PLCB1: variants seen among roughly 807,000 people sequenced by gnomAD.
The protein encoded by PLCB1 is 1-phosphatidylinositol 4,5-bisphosphate phosphodiesterase beta-1.
PLCB1 carries 46 observed loss-of-function variants against 161.8 expected under a neutral mutation model. The observed-to-expected ratio is 0.28, with a 90% CI of 0.22 to 0.36. The LOEUF is 0.36. Among genes scored for constraint, PLCB1 ranks in the 10% least tolerant of loss-of-function variants. PLCB1 has a pLI of 1.00. For synonymous variants in PLCB1, 517 were observed against 503.7 expected (o/e 1.03, Z -0.35); for missense variants, 1,016 against 1,472.5 (o/e 0.69, Z 5.07).
chr20:8,507,250 G>C (rs1983675663), intron 3 of PLCB1, among the ~76,000 whole-genome samples: 1 of 152,134 alleles, frequency 6.6e-6, no homozygotes, highest in Admixed American at 6.5e-5. Context: ...TGGTCTTACT[G>C]TCTCAGGGAT....
intron 9 of PLCB1, among the ~76,000 whole-genome samples, chr20:8,677,031 C>G (rs1036674481): frequency 6.6e-6 from 1 of 152,046 alleles, no homozygotes; most frequent in East Asian, 1.9e-4. Flanking sequence ...GGTGGAAATA[C>G]AATTGAGGAA....
At chr20:8,490,757 ATCCCAGTTTC>A (rs1242113297) in intron 3 of PLCB1, among the ~76,000 whole-genome samples, 1 of 152,008 alleles carries the variant, frequency 6.6e-6, no homozygotes, top group Non-Finnish European at 1.5e-5. Context: ...CTTATTTGCC[ATCCCAGTTTC>A]TTATTTGGTA....
At chr20:8,753,621 A>G (rs986069133) in intron 23 of PLCB1, among the ~76,000 whole-genome samples, 6 of 151,896 alleles carry the variant, frequency 4.0e-5, no homozygotes, top group African/African-American at 1.5e-4. Context: ...TGCATAGCTC[A>G]CTCTTGCACC....
At chr20:8,431,990 C>T (rs1435286341) in intron 3 of PLCB1, among the ~76,000 whole-genome samples, 1 of 151,704 alleles carries the variant, frequency 6.6e-6, no homozygotes, top group Non-Finnish European at 1.5e-5. Flanking sequence ...CGGCAACCAC[C>T]ATGTCACTGT....
intron 2 of PLCB1, among the ~76,000 whole-genome samples, chr20:8,361,899 T>C (rs1210706103): frequency 1.3e-5 from 2 of 152,228 alleles, no homozygotes; most frequent in Non-Finnish European, 2.9e-5. Flanking sequence ...GATTCTATGC[T>C]CACCCAAAAT....
intron 2 of PLCB1, among the ~76,000 whole-genome samples, chr20:8,232,373 C>A (rs1313483841): frequency 2.6e-5 from 4 of 152,066 alleles, no homozygotes; most frequent in Admixed American, 6.6e-5. Flanking sequence ...CATTTATAAC[C>A]AATCAAATGC....
chr20:8,842,719 T>C (rs1195401074), intron 31 of PLCB1, among the ~76,000 whole-genome samples: 12 of 152,038 alleles, frequency 7.9e-5, no homozygotes, highest in Admixed American at 7.9e-4. Flanking sequence ...AAGCAGGCGG[T>C]GCGTGACTGG....
chr20:8,359,961 T>C (rs534107817), intron 2 of PLCB1, among the ~76,000 whole-genome samples: 1 of 152,368 alleles, frequency 6.6e-6, no homozygotes, highest in African/African-American at 2.4e-5. Context: ...TCCTGTTCTC[T>C]GAACAAACCC....
chr20:8,371,545 G>C, intron 3 of PLCB1, 95 bp downstream of exon 3: 2 of 797,472 alleles, frequency 2.5e-6, no homozygotes, highest in Non-Finnish European at 2.1e-6. Context: ...AAGTTTCTAT[G>C]TTATAGATGT....
chr20:8,268,213 G>A (rs1440801971), intron 2 of PLCB1, among the ~76,000 whole-genome samples: 1 of 151,910 alleles, frequency 6.6e-6, no homozygotes, highest in Non-Finnish European at 1.5e-5. Flanking sequence ...GAGAACATGC[G>A]GTGTTTGGTT....
chr20:8,330,372 A>T (rs1258651676), intron 2 of PLCB1, among the ~76,000 whole-genome samples: 1 of 152,238 alleles, frequency 6.6e-6, no homozygotes, highest in African/African-American at 2.4e-5. Context: ...TAACCCAGGC[A>T]GTCAGATTGC....
At chr20:8,264,770 T>C (rs950509141) in intron 2 of PLCB1, among the ~76,000 whole-genome samples, 9 of 152,154 alleles carry the variant, frequency 5.9e-5, no homozygotes, top group African/African-American at 2.2e-4. Flanking sequence ...TTATGCCTGA[T>C]TTTGATTCTT....
chr20:8,133,027 G>A (rs1246586579), intron 1 of PLCB1, among the ~76,000 whole-genome samples: 2 of 152,154 alleles, frequency 1.3e-5, no homozygotes, highest in African/African-American at 4.8e-5. Flanking sequence ...GGAGAGGGAG[G>A]GGCAAGCTTT....
At chr20:8,169,191 C>T (rs2051707129) in intron 2 of PLCB1, among the ~76,000 whole-genome samples, 1 of 152,144 alleles carries the variant, frequency 6.6e-6, no homozygotes, top group Admixed American at 6.5e-5. Context: ...AAAATTCAGC[C>T]TACTGCCATC....
intron 3 of PLCB1, among the ~76,000 whole-genome samples, chr20:8,602,212 C>G (rs1174738409): frequency 6.6e-6 from 1 of 151,838 alleles, no homozygotes; most frequent in African/African-American, 2.4e-5. Flanking sequence ...ACACCAACAC[C>G]AAGTTTTTTT....
intron 31 of PLCB1, among the ~76,000 whole-genome samples, chr20:8,856,729 T>C (rs1987081949): frequency 6.6e-6 from 1 of 152,140 alleles, no homozygotes; most frequent in African/African-American, 2.4e-5. Context: ...GGATGGCTAG[T>C]GATTGGAAGG....
intron 26 of PLCB1, among the ~76,000 whole-genome samples, chr20:8,770,252 A>T (rs570962868): frequency 1.3e-5 from 2 of 152,304 alleles, no homozygotes; most frequent in Admixed American, 6.5e-5. Context: ...ACGCCCAGCC[A>T]AAATCATCAT....
At chr20:8,431,750 G>A (rs961645981) in intron 3 of PLCB1, among the ~76,000 whole-genome samples, 2 of 152,084 alleles carry the variant, frequency 1.3e-5, no homozygotes, top group Admixed American at 1.3e-4. Context: ...CAAAAATTAC[G>A]CTGGGGTCTG....
intron 2 of PLCB1, among the ~76,000 whole-genome samples, chr20:8,348,907 G>A (rs1255632765): frequency 1.3e-5 from 2 of 152,018 alleles, no homozygotes; most frequent in Non-Finnish European, 2.9e-5. Context: ...AGATTGCAAA[G>A]AAGTATAAAA....
Sources: gnomAD v4.1 joint callset for allele counts (sites outside exome capture counted in the v4.1 genomes callset) on GRCh38, gnomAD v4.1.1 for gene constraint, MANE v1.5 for transcripts, NCBI Gene and HGNC (gene_info 2026-07-23, HGNC 2026-07-21) for gene names.